PTPRT: variants seen among roughly 807,000 people sequenced by gnomAD.
The protein encoded by PTPRT is protein tyrosine phosphatase receptor type T.
A neutral mutation model predicts 176.8 loss-of-function variants in PTPRT; 56 were observed. The observed-to-expected ratio is 0.32, with a 90% CI of 0.26 to 0.40. PTPRT has a LOEUF of 0.40. PTPRT is among the 10% of genes least tolerant of loss of function. The pLI is 1.00. For synonymous variants in PTPRT, 783 were observed against 739.0 expected, an observed-to-expected ratio of 1.06 and a Z score of -0.96; for missense variants, 1,540 against 1,908.2, an observed-to-expected ratio of 0.81 and a Z score of 3.60.
chr20:43,173,574 C>T (rs978497570), intron 1 of PTPRT, among the ~76,000 whole-genome samples: 6 of 152,232 alleles, frequency 3.9e-5, no homozygotes, highest in Non-Finnish European at 8.8e-5. Flanking sequence ...CTAACTCTGT[C>T]CAGCCAGAAG....
rs184100134 is a variant in PTPRT, at chr20:42,501,231, T to G, written c.1154-28669A>C. On this transcript the variant is annotated intron_variant, in intron 7 of 30. Transcript: ENST00000373187. Reference sequence around the variant, plus strand: ...AGCATCTGCTCTTTTGTGTCATTTGTTCAACCTTAGGTTTGGGAGAGTCCA... The same window carrying G: ...AGCATCTGCTCTTTTGTGTCATTTGGTCAACCTTAGGTTTGGGAGAGTCCA... Among the ~76,000 whole-genome samples the G allele has an allele frequency of 2.6e-5, 4 of 152,314 alleles. No homozygotes were observed. In the East Asian group the frequency reaches 7.7e-4, roughly 29 times the overall value.
chr20:42,648,975 T>C (rs550130799), intron 7 of PTPRT, among the ~76,000 whole-genome samples: 145 of 151,992 alleles, frequency 9.5e-4, no homozygotes, highest in Non-Finnish European at 1.3e-3. Context: ...CCTGCCACCA[T>C]GCCTGGCTAA....
At position 42,543,131 on chromosome 20, in the gene PTPRT, T is replaced by A. The variant is rs571973857; in HGVS notation, c.1154-70569A>T. Among the ~76,000 whole-genome samples, 4 of 152,284 alleles carry A rather than the reference T, an allele frequency of 2.6e-5. No individual in the cohort carries two copies. The South Asian group carries it at 8.3e-4, about 32-fold the overall frequency. On this transcript the variant is annotated intron_variant, in intron 7 of 30. Coordinates refer to ENST00000373187, the MANE Select transcript of PTPRT (RefSeq NM_007050.6). ...GCAGTTTTTAAAAATAAAACAACAG[T>A]GAAGTTTGCAGTATCAATGGACTCT...
chr20:42,063,119 G>T, the PTPRT span, among the ~76,000 whole-genome samples: 5 of 152,160 alleles, frequency 3.3e-5, no homozygotes, highest in South Asian at 2.1e-4. Flanking sequence ...TTTTCCGGTG[G>T]CATAGGTAAA....
chr20:42,288,702 T>C (rs2057271701), intron 12 of PTPRT, among the ~76,000 whole-genome samples: 1 of 152,046 alleles, frequency 6.6e-6, no homozygotes, highest in African/African-American at 2.4e-5. Context: ...GGTTTTATTC[T>C]TTTTTATGGC....
intron 12 of PTPRT, among the ~76,000 whole-genome samples, chr20:42,284,407 A>G (rs905599456): frequency 6.6e-6 from 1 of 152,044 alleles, no homozygotes; most frequent in South Asian, 2.1e-4. Context: ...ATCTTCTTCA[A>G]CTGATCCAAG....
rs761394539 is a variant in PTPRT, at chr20:42,472,556, A to G, written c.1160T>C (p.Val387Ala). The change falls in exon 8 of 31, where the codon GTA (valine) becomes GCA (alanine). Residue 387 changes from valine (V) to alanine (A), a missense_variant. Val to Ala is a moderately conservative substitution (Grantham distance 64). Coordinates refer to ENST00000373187, the MANE Select transcript of PTPRT (RefSeq NM_007050.6). ...GATTTCCACGTTCTGTGGGCCATGT[A>G]CCGGATCTGCAAAACATGCAGGCAA... ...LTTRTKCADP[V>A]HGPQNVEIVD... 2 of 1,613,594 alleles carry G rather than the reference A, an allele frequency of 1.2e-6. No homozygotes were observed. The highest frequency in any genetic ancestry group is 1.1e-5 in the South Asian group (1 of 91,060).
chr20:42,040,356 G>T, the PTPRT span, among the ~76,000 whole-genome samples: 1 of 152,098 alleles, frequency 6.6e-6, no homozygotes, highest in African/African-American at 2.4e-5. Context: ...TTTCAGTCAG[G>T]GTGGGCTAGC....
intron 8 of PTPRT, among the ~76,000 whole-genome samples, chr20:42,448,839 C>T (rs890349431): frequency 1.4e-4 from 20 of 147,994 alleles, no homozygotes; most frequent in South Asian, 6.5e-4. Flanking sequence ...TACACTAACA[C>T]GAACGATAGT....
At chr20:42,567,955 T>C (rs1299733273) in intron 7 of PTPRT, among the ~76,000 whole-genome samples, 1 of 151,530 alleles carries the variant, frequency 6.6e-6, no homozygotes. Context: ...ATTATAGGTG[T>C]GGGTTTGCTT....
intron 6 of PTPRT, among the ~76,000 whole-genome samples, chr20:42,714,950 A>C (rs973712626): frequency 3.3e-5 from 5 of 152,202 alleles, no homozygotes; most frequent in African/African-American, 1.2e-4. Context: ...CAGGGCTGAG[A>C]GCTGAACAGA....
chr20:42,832,711 AAAG>A (rs1374206686), intron 2 of PTPRT, among the ~76,000 whole-genome samples: 28 of 151,174 alleles, frequency 1.9e-4, no homozygotes, highest in African/African-American at 5.3e-4. Flanking sequence ...AAAAAAAAAA[AAAG>A]AAGAAGAAGA....
At chr20:42,943,314 G>T (rs1334256823) in intron 1 of PTPRT, among the ~76,000 whole-genome samples, 3 of 152,190 alleles carry the variant, frequency 2.0e-5, no homozygotes, top group Admixed American at 1.3e-4. Context: ...TCCTGGAAGT[G>T]ACCCATCCGC....
intron 1 of PTPRT, among the ~76,000 whole-genome samples, chr20:42,907,983 C>G (rs1198280397): frequency 6.6e-6 from 1 of 152,006 alleles, no homozygotes; most frequent in African/African-American, 2.4e-5. Context: ...GGTACCCCAC[C>G]AAGCATAAGA....
chr20:42,069,607 G>A (rs985657052), downstream of PTPRT, among the ~76,000 whole-genome samples: 5 of 152,144 alleles, frequency 3.3e-5, no homozygotes, highest in Non-Finnish European at 7.3e-5. Context: ...TTTATAAAAT[G>A]TAGAAAATTA....
chr20:42,080,994 G>C (rs565712894), intron 30 of PTPRT, 62 bp from the exon 31 acceptor site: 2 of 1,392,224 alleles, frequency 1.4e-6, no homozygotes, highest in South Asian at 1.2e-5. Flanking sequence ...GATGAAAAAG[G>C]AAAGGGAAAA....
chr20:43,150,034 A>C (rs1379992472), intron 1 of PTPRT, among the ~76,000 whole-genome samples: 2 of 152,238 alleles, frequency 1.3e-5, no homozygotes, highest in Non-Finnish European at 2.9e-5. Flanking sequence ...CTGAGGTTCT[A>C]TTGGATCCAC....
chr20:42,661,666 C>G (rs2075225086), intron 7 of PTPRT, among the ~76,000 whole-genome samples: 1 of 152,192 alleles, frequency 6.6e-6, no homozygotes, highest in Non-Finnish European at 1.5e-5. Flanking sequence ...TGGACAACCA[C>G]TCTCTGGTGG....
intron 1 of PTPRT, among the ~76,000 whole-genome samples, chr20:43,149,553 G>T (rs1438741353): frequency 6.6e-6 from 1 of 152,224 alleles, no homozygotes; most frequent in Non-Finnish European, 1.5e-5. Flanking sequence ...AAACTGGGCT[G>T]TGTCCCTTAT....
Sources: gnomAD v4.1 joint callset for allele counts (sites outside exome capture counted in the v4.1 genomes callset) on GRCh38, gnomAD v4.1.1 for gene constraint, MANE v1.5 for transcripts, NCBI Gene and HGNC (gene_info 2026-07-23, HGNC 2026-07-21) for gene names.